Variants in ST7 observed in about 807,000 individuals in gnomAD.
The protein encoded by ST7 is suppressor of tumorigenicity 7 protein.
ST7 carries 28 observed loss-of-function variants against 78.7 expected under a neutral mutation model. The observed-to-expected ratio is 0.36, with a 90% CI of 0.26 to 0.49. ST7 has a LOEUF of 0.49. ST7 is among the 20% of genes least tolerant of loss of function. The pLI is 0.99. For synonymous variants in ST7, 247 were observed against 249.6 expected (o/e 0.99, Z 0.10); for missense variants, 418 against 696.0 (o/e 0.60, Z 4.49).
chr7:116,982,074 C>G (rs1300172502), intron 1 of ST7, among the ~76,000 whole-genome samples: 1 of 152,232 alleles, frequency 6.6e-6, no homozygotes, highest in African/African-American at 2.4e-5. Flanking sequence ...AGGAACCTTT[C>G]AGTTCCACTT....
intron 12 of ST7, among the ~76,000 whole-genome samples, chr7:117,195,154 TAA>T (rs3840661): frequency 4.2e-4 from 63 of 151,566 alleles, no homozygotes; most frequent in African/African-American, 1.5e-3. Flanking sequence ...TTTTACTATT[TAA>T]AAAAAAATTA....
At chr7:116,954,184 C>T (rs1466673858) in intron 1 of ST7, 1 of 151,910 alleles carries the variant, frequency 6.6e-6, no homozygotes. Flanking sequence ...GGGCGGCTGC[C>T]GGAGGGTGCT....
chr7:117,032,938 C>G (rs964762679), intron 1 of ST7, among the ~76,000 whole-genome samples: 1 of 152,144 alleles, frequency 6.6e-6, no homozygotes, highest in Non-Finnish European at 1.5e-5. Flanking sequence ...AAATATATAA[C>G]GCAGTGCTTA....
intron 1 of ST7, among the ~76,000 whole-genome samples, chr7:117,065,204 CTTTT>C (rs11363365): frequency 6.5e-5 from 6 of 91,822 alleles, no homozygotes; most frequent in Admixed American, 1.2e-4. Context: ...TGGTTCAAGT[CTTTT>C]TTTTTTTTTT....
At chr7:117,098,751 T>C in intron 1 of ST7, 1 of 1,296,064 alleles carries the variant, frequency 7.7e-7, no homozygotes. Context: ...AAAACCAGAC[T>C]GGATGTGATT....
At chr7:117,195,746 T>C (rs148865542) in intron 12 of ST7, among the ~76,000 whole-genome samples, 1 of 152,138 alleles carries the variant, frequency 6.6e-6, no homozygotes, top group African/African-American at 2.4e-5. Flanking sequence ...TCCCACCAGG[T>C]CTCTCCCACT....
rs922251704 is a variant in ST7, at chr7:117,020,327, C to T, written c.151+66636C>T. On this transcript the variant is annotated intron_variant, in intron 1 of 15. Coordinates refer to ENST00000323984, the MANE Select transcript of ST7 (RefSeq NM_001369598.1). Reference sequence around the variant, plus strand: ...GCCTCACCGCATCCCAGAAGAGGCACGTCGGCCTTCATTTGCCTAGTGGAT... The same window carrying T: ...GCCTCACCGCATCCCAGAAGAGGCATGTCGGCCTTCATTTGCCTAGTGGAT... The T allele has an allele frequency of 3.8e-5, 17 of 449,388 alleles. 1 individual carries two copies. The highest frequency in any genetic ancestry group is 1.5e-4 in the Admixed American group (4 of 26,492). 27.8% of individuals were successfully genotyped at this position (449,388 alleles called of 1,614,324 possible).
intron 1 of ST7, among the ~76,000 whole-genome samples, chr7:116,970,071 G>C (rs1279710790): frequency 1.3e-5 from 2 of 151,976 alleles, no homozygotes; most frequent in Non-Finnish European, 2.9e-5. Flanking sequence ...GTGAAACTTT[G>C]TCTCAAAAAA....
chr7:117,114,287 T>C (rs1313614866), intron 2 of ST7, among the ~76,000 whole-genome samples: 1 of 151,806 alleles, frequency 6.6e-6, no homozygotes. Context: ...AAAGAGTCAA[T>C]ATGGTAAAAA....
chr7:117,202,656 C>T (rs1028477886), intron 12 of ST7, among the ~76,000 whole-genome samples: 3 of 152,282 alleles, frequency 2.0e-5, no homozygotes, highest in South Asian at 2.1e-4. Context: ...TGCTAATTTC[C>T]ATCTGTTCCC....
chr7:117,180,651 T>G (rs973334084), intron 10 of ST7, among the ~76,000 whole-genome samples: 1 of 152,168 alleles, frequency 6.6e-6, no homozygotes, highest in African/African-American at 2.4e-5. Context: ...CATGCTCTTT[T>G]TTGTTGTTTT....
intron 1 of ST7, among the ~76,000 whole-genome samples, chr7:116,973,555 C>T (rs1337351540): frequency 6.6e-6 from 1 of 152,180 alleles, no homozygotes; most frequent in Non-Finnish European, 1.5e-5. Context: ...TGCTCCTGGC[C>T]TCTCTGTTTT....
At chr7:117,016,847 T>C (rs1234870411) in intron 1 of ST7, among the ~76,000 whole-genome samples, 4 of 152,190 alleles carry the variant, frequency 2.6e-5, no homozygotes, top group African/African-American at 7.2e-5. Context: ...AGAGAACAAC[T>C]CATGTTTTCA....
chr7:117,019,555 C>A (rs977355905), intron 1 of ST7, among the ~76,000 whole-genome samples: 1 of 152,018 alleles, frequency 6.6e-6, no homozygotes, highest in Non-Finnish European at 1.5e-5. Flanking sequence ...ATGTAAGGCA[C>A]GATGAAGAAA....
intron 9 of ST7, among the ~76,000 whole-genome samples, chr7:117,165,695 G>A (rs1273780506): frequency 1.3e-5 from 2 of 152,140 alleles, no homozygotes; most frequent in Non-Finnish European, 2.9e-5. Context: ...GTAGATGATT[G>A]TGACAAGGAC....
intron 1 of ST7, among the ~76,000 whole-genome samples, chr7:116,971,678 A>G (rs990950350): frequency 3.3e-5 from 5 of 152,166 alleles, no homozygotes; most frequent in Admixed American, 6.5e-5. Flanking sequence ...GAGGTTTCCA[A>G]TAGTGGAGTC....
intron 1 of ST7, among the ~76,000 whole-genome samples, chr7:117,036,683 G>A (rs930450940): frequency 1.3e-5 from 2 of 152,114 alleles, no homozygotes; most frequent in East Asian, 3.9e-4. Flanking sequence ...CACTGGGGTA[G>A]CCATATATCA....
Position 117,079,968 on chromosome 7 carries a change from C to CTTTTTTTTTT in ST7, c.152-19773_152-19764dup, listed in dbSNP as rs34326752. On this transcript the variant is annotated intron_variant, in intron 1 of 15. Transcript: ENST00000323984. ...AGCACTATTGGAATGTTTGTCATTC[C>CTTTTTTTTTT]TTTTTTTTTTTTTTTTTTTTTTTTT... 8.3e-4 allele frequency among the ~76,000 whole-genome samples: 54 copies of CTTTTTTTTTT among 65,438 alleles called. 8 individuals are homozygous for CTTTTTTTTTT. Among genetic ancestry groups the CTTTTTTTTTT allele is most frequent in the African/African-American group, 2.6e-3 (47 of 18,070 alleles). The allele number at this position is 65,438 out of a possible 152,430, so 42.9% of individuals were successfully genotyped here.
intron 1 of ST7, among the ~76,000 whole-genome samples, chr7:117,017,612 T>C (rs115788626): frequency 8.6e-4 from 131 of 152,280 alleles, no homozygotes; most frequent in African/African-American, 2.9e-3. Context: ...TGGGTTTGGA[T>C]TGTATTATAT....
Sources: gnomAD v4.1 joint callset for allele counts (sites outside exome capture counted in the v4.1 genomes callset) on GRCh38, gnomAD v4.1.1 for gene constraint, MANE v1.5 for transcripts, NCBI Gene and HGNC (gene_info 2026-07-23, HGNC 2026-07-21) for gene names.